RPTOR: variants seen among roughly 807,000 people sequenced by gnomAD.
RPTOR encodes the protein regulatory-associated protein of mTOR.
RPTOR carries 21 observed loss-of-function variants against 169.9 expected under a neutral mutation model. The observed-to-expected ratio is 0.12, with a 90% CI of 0.09 to 0.18. RPTOR has a LOEUF of 0.18. RPTOR is among the 10% of genes least tolerant of loss of function. RPTOR has a pLI of 1.00. For missense variants in RPTOR, 1,133 were observed against 1,855.9 expected (o/e 0.61, Z 7.16); for synonymous variants, 732 against 753.2 (o/e 0.97, Z 0.46).
Position 80,923,552 on chromosome 17 carries a change from C to T in RPTOR, c.2687C>T (p.Pro896Leu), listed in dbSNP as rs2068773386. 1 of 1,613,324 alleles carries T rather than the reference C, an allele frequency of 6.2e-7. No individual in the cohort carries two copies. The highest frequency in any genetic ancestry group is 8.5e-7 in the Non-Finnish European group (1 of 1,180,012). ...SSLTNDVAKQ[P>L]VSRDLPSGRP... Reference sequence around the variant, plus strand: ...CTGACCAACGATGTGGCCAAGCAGCCGGTCAGCCGAGACTTGCCTTCTGGC... The same window carrying T: ...CTGACCAACGATGTGGCCAAGCAGCTGGTCAGCCGAGACTTGCCTTCTGGC... The change falls in exon 23 of 34, where the codon CCG becomes CTG. Residue 896 changes from proline to leucine, a missense_variant. Pro to Leu is a moderately conservative substitution (Grantham distance 98). This residue lies in a region of RPTOR where 123 missense variants were observed against 129.0 expected (regional missense o/e 0.95). Transcript: ENST00000306801.
chr17:80,837,767 C>T (rs1272770963), intron 9 of RPTOR, among the ~76,000 whole-genome samples, 155 bp from the exon 10 acceptor site: 1 of 152,238 alleles, frequency 6.6e-6, no homozygotes, highest in Admixed American at 6.5e-5. Flanking sequence ...ATCTGAACAG[C>T]AGTGAAACCG....
At chr17:80,774,644 C>T (rs1339569882) in intron 6 of RPTOR, among the ~76,000 whole-genome samples, 1 of 152,170 alleles carries the variant, frequency 6.6e-6, no homozygotes, top group African/African-American at 2.4e-5. Context: ...TGATGCCGTG[C>T]CGTACTTTAC....
intron 3 of RPTOR, among the ~76,000 whole-genome samples, chr17:80,644,306 GGTT>G: frequency 1.1e-5 from 1 of 88,904 alleles, no homozygotes; most frequent in Non-Finnish European, 2.1e-5. Flanking sequence ...TTAGTGTGTG[GGTT>G]TTTTTTTTTT....
intron 13 of RPTOR, among the ~76,000 whole-genome samples, chr17:80,876,671 G>A (rs2068119126): frequency 7.9e-6 from 1 of 127,274 alleles, no homozygotes; most frequent in East Asian, 2.4e-4. Context: ...GGGTGTGTGT[G>A]TCGCCTGCCG....
intron 1 of RPTOR, among the ~76,000 whole-genome samples, chr17:80,622,083 C>T (rs1170694802): frequency 3.3e-5 from 5 of 152,180 alleles, no homozygotes. Flanking sequence ...CAGTGGGGAA[C>T]CAGTTAAGCT....
chr17:80,667,881 G>GA lies in RPTOR; in HGVS notation c.348+24077dup, dbSNP rs777347666. Among the ~76,000 whole-genome samples, 101 of 152,276 alleles carry GA rather than the reference G, an allele frequency of 6.6e-4. 1 individual carries two copies. Among genetic ancestry groups the GA allele is most frequent in the Non-Finnish European group, 1.3e-3 (89 of 68,014 alleles). On this transcript the variant is annotated intron_variant, in intron 3 of 33. Transcript: ENST00000306801. ...GTTCCCACCGGCAGCCTGGCATTTA[G>GA]AAAAAAGTTAACCTTTCTGTGAAAT... is the stretch of plus-strand genomic sequence containing the variant.
intron 7 of RPTOR, chr17:80,805,662 G>A (rs1326215212): frequency 6.6e-6 from 1 of 152,166 alleles, no homozygotes; most frequent in African/African-American, 2.4e-5. Flanking sequence ...ATGGGCTTTG[G>A]AATCTGCCTG....
rs1160547392 is a variant in RPTOR at position 80,746,839 on chromosome 17, T to G, written c.655-7171T>G. On this transcript the variant is annotated intron_variant, in intron 5 of 33. Coordinates refer to ENST00000306801, the MANE Select transcript of RPTOR (RefSeq NM_020761.3). This position sits in a 1 kb window ranked among gnomAD's most constrained non-coding sequence, Gnocchi z 4.5. ...GGAAATAACTCATCTGTTGAAATAG[T>G]TTTTTTTTTTCCCTTGGGTTAGCAA... 1.2e-5 allele frequency among the ~76,000 whole-genome samples: 1 copy of G among 83,172 alleles called. No individual in the cohort carries two copies. Among genetic ancestry groups the G allele is most frequent in the Non-Finnish European group, 2.7e-5 (1 of 36,758 alleles). 54.6% of individuals were successfully genotyped at this position (83,172 alleles called of 152,430 possible).
At chr17:80,849,270 C>T (rs868090537) in intron 11 of RPTOR, among the ~76,000 whole-genome samples, 2 of 152,166 alleles carry the variant, frequency 1.3e-5, no homozygotes, top group African/African-American at 2.4e-5. Context: ...CACTCGCTTC[C>T]GGTTTTCCGA....
chr17:80,665,399 TTTCC>T lies in RPTOR; in HGVS notation c.348+21592_348+21595del, dbSNP rs1567846077. Among the ~76,000 whole-genome samples, 49 of 9,756 alleles carry T rather than the reference TTTCC, an allele frequency of 5.0e-3. 5 individuals are homozygous for T. The highest frequency in any genetic ancestry group is 7.2e-3 in the African/African-American group (6 of 836). The allele number at this position is 9,756 out of a possible 152,430, so 6.4% of individuals were successfully genotyped here. A position where few individuals can be genotyped will look rare whatever the true frequency, so the allele number is the denominator to read the frequency against. On this transcript the variant is annotated intron_variant, in intron 3 of 33. Transcript: ENST00000306801. ...TTTCCTTTCCTTTCCTTTCCTTTCC[TTTCC>T]TTTCCTTTCCTTTCCTTTCCTTTCC...
chr17:80,901,262 C>G (rs367915929), intron 20 of RPTOR, among the ~76,000 whole-genome samples: 2 of 152,106 alleles, frequency 1.3e-5, no homozygotes, highest in Non-Finnish European at 2.9e-5. Context: ...GCCTGGGGCC[C>G]GGACACAGGG....
At chr17:80,926,361 C>T (rs949662268) in intron 24 of RPTOR, among the ~76,000 whole-genome samples, 3 of 152,250 alleles carry the variant, frequency 2.0e-5, no homozygotes, top group Non-Finnish European at 4.4e-5. Context: ...CCTCCCTCTT[C>T]TCACATGAAC....
chr17:80,719,145 C>T (rs1269051728), intron 4 of RPTOR, among the ~76,000 whole-genome samples: 2 of 152,010 alleles, frequency 1.3e-5, no homozygotes, highest in African/African-American at 2.4e-5. Context: ...ATGCTGCGGG[C>T]GGTTCCCAAA....
Position 80,674,808 on chromosome 17 carries a change from A to C in RPTOR, c.348+30998A>C, listed in dbSNP as rs796886876. On this transcript the variant is annotated intron_variant, in intron 3 of 33. Coordinates refer to ENST00000306801, the MANE Select transcript of RPTOR (RefSeq NM_020761.3). ...GTCTCAAAAAAAAAAAAAAAAAAAAAAAAAAAAAAAAAAAAAACAACTTCT... is the reference window on the plus strand; with the variant it reads ...GTCTCAAAAAAAAAAAAAAAAAAAACAAAAAAAAAAAAAAAAACAACTTCT... Among the ~76,000 whole-genome samples, 20 of 146,980 alleles carry C rather than the reference A, an allele frequency of 1.4e-4. 1 individual carries two copies. In the East Asian group the frequency reaches 1.5e-3, roughly 11 times the overall value.
At chr17:80,770,376 T>C (rs1200991704) in intron 6 of RPTOR, among the ~76,000 whole-genome samples, 4 of 152,148 alleles carry the variant, frequency 2.6e-5, no homozygotes, top group African/African-American at 9.7e-5. Flanking sequence ...CTCTGGGAAA[T>C]GAAAGCCTGT....
intron 4 of RPTOR, among the ~76,000 whole-genome samples, chr17:80,709,770 C>T (rs1336359778): frequency 1.3e-5 from 2 of 152,092 alleles, no homozygotes; most frequent in Non-Finnish European, 2.9e-5. Flanking sequence ...ATTAAGATCG[C>T]GCACCCTGTG....
chr17:80,802,797 A>G (rs9914359), intron 7 of RPTOR: 33,403 of 152,080 alleles, frequency 0.22, 4,025 homozygotes, highest in African/African-American at 0.31. Context: ...GTCCTTTCTG[A>G]TGTTGGCCTT....
At chr17:80,800,868 G>A (rs528308936) in intron 7 of RPTOR, among the ~76,000 whole-genome samples, 5 of 152,308 alleles carry the variant, frequency 3.3e-5, no homozygotes, top group South Asian at 2.1e-4. Flanking sequence ...GAACTTACTC[G>A]TGATTAACAT....
intron 17 of RPTOR, among the ~76,000 whole-genome samples, chr17:80,888,933 T>C (rs1275623999): frequency 6.6e-6 from 1 of 152,100 alleles, no homozygotes. Flanking sequence ...AGAGGCCCAG[T>C]GCAGGGGCTG....
Sources: allele counts gnomAD v4.1 joint callset (sites outside exome capture counted in the v4.1 genomes callset), GRCh38; gene constraint gnomAD v4.1.1; regional missense constraint gnomAD v4.1.1; non-coding constraint Gnocchi (gnomAD v3.1); transcripts MANE v1.5; gene names NCBI Gene and HGNC (gene_info 2026-07-23, HGNC 2026-07-21).